The following CAP2 variants were observed in gnomAD, a reference collection of about 807,000 sequenced individuals.
CAP2 encodes cyclase associated actin cytoskeleton regulatory protein 2.
Under a neutral mutation model 57.7 loss-of-function variants are expected in CAP2, and 24 were observed. That is an observed-to-expected ratio of 0.42 (90% CI 0.30 to 0.58). The LOEUF (loss-of-function observed/expected upper bound fraction) is 0.58, where lower values mean the gene tolerates loss of function less well. Among genes scored for constraint, CAP2 ranks in the 20% least tolerant of loss-of-function variants. The pLI, the probability that CAP2 is intolerant of heterozygous loss-of-function variation, is 0.22. For synonymous variants in CAP2, 194 were observed against 207.2 expected (o/e 0.94, Z 0.55); for missense variants, 501 against 590.3 (o/e 0.85, Z 1.57).
At chr6:17,397,014 A>T (rs552728304) in intron 1 of CAP2, among the ~76,000 whole-genome samples, 1 of 152,244 alleles carries the variant, frequency 6.6e-6, no homozygotes, top group African/African-American at 2.4e-5. Context: ...TTCCAAAACA[A>T]TAGTGTTTAG....
intron 1 of CAP2, among the ~76,000 whole-genome samples, chr6:17,414,032 T>A (rs1323291571): frequency 1.3e-5 from 2 of 149,028 alleles, no homozygotes; most frequent in Non-Finnish European, 3.0e-5. Flanking sequence ...CCAGCTTGGG[T>A]GACAGAGTGA....
chr6:17,480,304 C>T (rs1181329776), intron 4 of CAP2, among the ~76,000 whole-genome samples: 2 of 152,136 alleles, frequency 1.3e-5, no homozygotes, highest in Admixed American at 6.6e-5. Context: ...GTGCTATGAA[C>T]ATGTATAATG....
rs1204207554 is a variant in CAP2 at position 17,496,037 on chromosome 6, G to GGGGC, written c.301-11130_301-11129insGCGG. ...GCATGCGTGTGTGGGTGGGGGGGGG[G>GGGGC]GGTAAGTCAGGGAAAACAGGCTGCT... On this transcript the variant is annotated intron_variant, in intron 4 of 12. Transcript: ENST00000229922. Among the ~76,000 whole-genome samples, 343 of 132,368 alleles carry GGGGC rather than the reference G, an allele frequency of 2.6e-3. 11 individuals carry two copies. Among genetic ancestry groups the GGGGC allele is most frequent in the Non-Finnish European group, 4.6e-3 (281 of 61,644 alleles). 86.8% of individuals were successfully genotyped at this position (132,368 alleles called of 152,430 possible).
At chr6:17,495,369 C>T (rs562473968) in intron 4 of CAP2, among the ~76,000 whole-genome samples, 2 of 152,262 alleles carry the variant, frequency 1.3e-5, no homozygotes, top group East Asian at 3.9e-4. Context: ...TAATAGTGAG[C>T]ACAATTATCT....
At chr6:17,497,460 TCTGTTATA>T in intron 4 of CAP2, among the ~76,000 whole-genome samples, 1 of 152,348 alleles carries the variant, frequency 6.6e-6, no homozygotes, top group East Asian at 1.9e-4. Flanking sequence ...CCTGATCTGT[TCTGTTATA>T]CTTACTGTAG....
chr6:17,472,017 AT>A (rs1761032975), intron 4 of CAP2, among the ~76,000 whole-genome samples: 1 of 152,148 alleles, frequency 6.6e-6, no homozygotes, highest in South Asian at 2.1e-4. Context: ...CTTCATAAAT[AT>A]GCGTAAGTTT....
chr6:17,494,457 C>T (rs1273875042), intron 4 of CAP2, among the ~76,000 whole-genome samples: 3 of 152,084 alleles, frequency 2.0e-5, no homozygotes, highest in Non-Finnish European at 2.9e-5. Flanking sequence ...GGAGCCCTTC[C>T]TCCAGATGTC....
chr6:17,470,501 G>A (rs1046922367), intron 4 of CAP2, among the ~76,000 whole-genome samples: 1 of 152,214 alleles, frequency 6.6e-6, no homozygotes, highest in Admixed American at 6.5e-5. Context: ...CTGCTCCAGT[G>A]TTTTTGGTTG....
At chr6:17,436,086 T>TTTCCTTCCTTCC (rs745555651) in intron 3 of CAP2, among the ~76,000 whole-genome samples, 1,611 of 133,860 alleles carry the variant, frequency 0.012, 43 homozygotes, top group African/African-American at 0.04. Flanking sequence ...TCTTTCTTTC[T>TTTCCTTCCTTCC]TTCCTTCCTT....
At chr6:17,458,473 G>A (rs1760634592) in intron 3 of CAP2, among the ~76,000 whole-genome samples, 1 of 152,182 alleles carries the variant, frequency 6.6e-6, no homozygotes, top group African/African-American at 2.4e-5. Flanking sequence ...TGGATGAGAA[G>A]TGACAAGGAA....
intron 7 of CAP2, chr6:17,531,001 A>G (rs1182471662): frequency 1.0e-5 from 13 of 1,276,816 alleles, no homozygotes; most frequent in Non-Finnish European, 1.5e-5. Context: ...CGTGGAGAAG[A>G]TAATTTGAAG....
At chr6:17,484,528 A>C (rs1761374607) in intron 4 of CAP2, among the ~76,000 whole-genome samples, 1 of 152,192 alleles carries the variant, frequency 6.6e-6, no homozygotes, top group Non-Finnish European at 1.5e-5. Context: ...TAAATATCAT[A>C]TTTCATTGCC....
At chr6:17,435,983 T>G (rs1024082295) in intron 3 of CAP2, among the ~76,000 whole-genome samples, 2 of 152,218 alleles carry the variant, frequency 1.3e-5, no homozygotes, top group African/African-American at 4.8e-5. Context: ...GTCAGGGTCC[T>G]GGAAGGATAC....
At chr6:17,492,590 C>A (rs1163861885) in intron 4 of CAP2, among the ~76,000 whole-genome samples, 1 of 152,224 alleles carries the variant, frequency 6.6e-6, no homozygotes, top group Non-Finnish European at 1.5e-5. Flanking sequence ...CTGTCCACTT[C>A]CTGATTTCTC....
In CAP2 at chr6:17,557,584, C is replaced by T. The variant is rs1312720376; in HGVS notation, c.*1142C>T. On this transcript the variant is annotated 3_prime_UTR_variant, in exon 13 of 13. Transcript: ENST00000229922. ...GCCCAGTACAAGCATATATATTGTG[C>T]CTCTTACAGCCTTTGGAATACATTG... 6.6e-6 allele frequency: 1 copy of T among 152,058 alleles called. No homozygotes were observed. Among genetic ancestry groups the T allele is most frequent in the African/African-American group, 2.4e-5 (1 of 41,400 alleles). The allele number at this position is 152,058 out of a possible 1,614,324, so 9.4% of individuals were successfully genotyped here.
intron 4 of CAP2, among the ~76,000 whole-genome samples, chr6:17,501,720 T>C (rs771860366): frequency 2.2e-4 from 33 of 152,236 alleles, no homozygotes; most frequent in Non-Finnish European, 3.8e-4. Context: ...ACAATTCCCT[T>C]ACTTTGGGAG....
Position 17,513,740 on chromosome 6 carries a change from C to G in CAP2, c.531-109C>G. On this transcript the variant is annotated intron_variant, in intron 6 of 12. Transcript: ENST00000229922. This position sits in a 1 kb window ranked among gnomAD's most constrained non-coding sequence, Gnocchi z 4.3. The stretch of plus-strand genomic sequence containing the variant: ...TGCCTGGGTTGCAAGGACGATTGCT[C>G]CGGGCTCCAGGGCCCCTAGTCACTA... 1.4e-6 allele frequency: 1 copy of G among 719,188 alleles called. No individual in the cohort carries two copies. The highest frequency in any genetic ancestry group is 1.7e-5 in the South Asian group (1 of 59,410). The allele number at this position is 719,188 out of a possible 1,614,324, so 44.6% of individuals were successfully genotyped here.
chr6:17,467,535 T>C (rs1399193791), intron 4 of CAP2, among the ~76,000 whole-genome samples: 2 of 152,192 alleles, frequency 1.3e-5, no homozygotes, highest in East Asian at 3.9e-4. Context: ...CGTTTGTTTG[T>C]TTTTTTGGGA....
Position 17,551,531 on chromosome 6 carries a change from A to G in CAP2, c.1277A>G (p.Asp426Gly). 5 of 1,610,902 alleles carry G rather than the reference A, an allele frequency of 3.1e-6. No individual in the cohort carries two copies. Among genetic ancestry groups the G allele is most frequent in the Non-Finnish European group, 3.4e-6 (4 of 1,177,230 alleles). The part of the protein sequence containing the change: ...TEGCHIYLSE[D>G]ALDCEIVSAK... ...GGTTGCCACATATACCTCAGTGAAGATGCATTAGACTGTGAGATCGTGAGC... is the reference window on the plus strand; with the variant it reads ...GGTTGCCACATATACCTCAGTGAAGGTGCATTAGACTGTGAGATCGTGAGC... Residue 426 changes from aspartate to glycine, a missense_variant, in exon 12 of 13, where the codon GAT becomes GGT. Asp to Gly is a moderately conservative substitution (Grantham distance 94, BLOSUM62 -1). Transcript: ENST00000229922.
Sources: allele counts gnomAD v4.1 joint callset (sites outside exome capture counted in the v4.1 genomes callset), GRCh38; gene constraint gnomAD v4.1.1; non-coding constraint Gnocchi (gnomAD v3.1); transcripts MANE v1.5; gene names NCBI Gene and HGNC (gene_info 2026-07-23, HGNC 2026-07-21).